Variants in MCC observed in about 807,000 individuals in gnomAD.
The protein encoded by MCC is colorectal mutant cancer protein.
In MCC, 90 loss-of-function variants were observed where a neutral mutation model predicts 116.2. The observed-to-expected ratio is 0.77, with a 90% CI of 0.65 to 0.92. The LOEUF is 0.92. Ranked by LOEUF, MCC falls within the 40% of genes least tolerant of loss-of-function variation. The pLI, the probability that MCC is intolerant of heterozygous loss-of-function variation, is 0.00. For synonymous variants in MCC, 578 were observed against 510.5 expected (o/e 1.13, Z -1.78); for missense variants, 1,516 against 1,312.2 (o/e 1.16, Z -2.40).
chr5:113,470,307 C>T (rs1266271244), intron 1 of MCC, among the ~76,000 whole-genome samples: 2 of 152,160 alleles, frequency 1.3e-5, no homozygotes, highest in Non-Finnish European at 2.9e-5. Context: ...CATGTTTTTG[C>T]AGTGGCTGGT....
intron 1 of MCC, among the ~76,000 whole-genome samples, chr5:113,459,178 T>TGTGTGG (rs1561583860): frequency 9.8e-6 from 1 of 101,578 alleles, no homozygotes; most frequent in Admixed American, 1.1e-4. Flanking sequence ...TGTGTGTGTG[T>TGTGTGG]GAAGTGGGTG....
intron 3 of MCC, among the ~76,000 whole-genome samples, chr5:113,316,776 T>C (rs1767297083): frequency 2.0e-5 from 3 of 152,182 alleles, no homozygotes; most frequent in Non-Finnish European, 4.4e-5. Flanking sequence ...CCAGGAGACA[T>C]GCAAATCTGT....
At chr5:113,152,632 G>GC (rs1462619870) in intron 3 of MCC, among the ~76,000 whole-genome samples, 6 of 152,126 alleles carry the variant, frequency 3.9e-5, no homozygotes. Context: ...TCTGCAACCT[G>GC]CCCTCCACAC....
At chr5:113,333,838 T>TATGTACATATATACATATATAC (rs1767777920) in intron 3 of MCC, among the ~76,000 whole-genome samples, 2 of 28,828 alleles carry the variant, frequency 6.9e-5, no homozygotes, top group Non-Finnish European at 1.1e-4. Flanking sequence ...TATATATGTA[T>TATGTACATATATACATATATAC]ATATGTATAT....
chr5:113,220,976 G>T (rs903653623), intron 3 of MCC, among the ~76,000 whole-genome samples: 1 of 152,224 alleles, frequency 6.6e-6, no homozygotes, highest in East Asian at 1.9e-4. Context: ...AGCAAGGCGT[G>T]TGGATTGCTT....
chr5:113,337,739 AACTT>A (rs1767902522), intron 3 of MCC, among the ~76,000 whole-genome samples: 1 of 152,188 alleles, frequency 6.6e-6, no homozygotes, highest in Admixed American at 6.5e-5. Context: ...AAAATAATAA[AACTT>A]AATTTTATTA....
chr5:113,398,609 A>G (rs774449347), intron 1 of MCC, among the ~76,000 whole-genome samples: 3 of 152,240 alleles, frequency 2.0e-5, no homozygotes, highest in Non-Finnish European at 4.4e-5. Flanking sequence ...GTTCTCACTT[A>G]TAAGTAGGAG....
At chr5:113,059,872 A>G (rs1431620198) in intron 14 of MCC, among the ~76,000 whole-genome samples, 2 of 152,158 alleles carry the variant, frequency 1.3e-5, no homozygotes, top group Non-Finnish European at 2.9e-5. Context: ...CCTGTCCACT[A>G]TAGGAGAAGC....
At chr5:113,183,406 T>G (rs79406628) in intron 3 of MCC, among the ~76,000 whole-genome samples, 1 of 152,180 alleles carries the variant, frequency 6.6e-6, no homozygotes, top group Non-Finnish European at 1.5e-5. Context: ...AGAGAAAATT[T>G]GTCAGACTCC....
At chr5:113,224,220 G>A (rs771956635) in intron 3 of MCC, among the ~76,000 whole-genome samples, 13 of 152,030 alleles carry the variant, frequency 8.6e-5, no homozygotes, top group South Asian at 6.2e-4. Context: ...TCAGCCTTCC[G>A]AGTAGTTGGG....
chr5:113,063,877 T>C, intron 14 of MCC, 107 bp downstream of exon 14: 2 of 1,266,434 alleles, frequency 1.6e-6, no homozygotes, highest in South Asian at 1.6e-5. Context: ...ATGTCTGCCT[T>C]TTCCCAAGCC....
chr5:113,453,641 A>T (rs1580395924), intron 1 of MCC, among the ~76,000 whole-genome samples: 1 of 152,318 alleles, frequency 6.6e-6, no homozygotes, highest in Middle Eastern at 3.4e-3. Context: ...CCAGCTGTTT[A>T]TGTGTCTCCC....
In MCC at chr5:113,266,509, T is replaced by A. The variant is rs998564711; in HGVS notation, c.627+74010A>T. 1.6e-4 allele frequency among the ~76,000 whole-genome samples: 25 copies of A among 152,302 alleles called. 3 individuals carry two copies. Among genetic ancestry groups the A allele is most frequent in the Admixed American group, 5.9e-4 (9 of 15,292 alleles). ...TATTTGTATTTATCTGGGAGAGGGA[T>A]GGGCAGAAGATGGGATAGCACTACT... is the stretch of plus-strand genomic sequence containing the variant. On this transcript the variant is annotated intron_variant, in intron 3 of 18. Transcript: ENST00000408903.
At chr5:113,337,414 T>C (rs1767896252) in intron 3 of MCC, among the ~76,000 whole-genome samples, 1 of 152,162 alleles carries the variant, frequency 6.6e-6, no homozygotes, top group Non-Finnish European at 1.5e-5. Context: ...CTCAGGGAAA[T>C]TCTCTGCAAT....
chr5:113,380,854 G>T (rs1253548796), intron 2 of MCC, among the ~76,000 whole-genome samples: 1 of 152,196 alleles, frequency 6.6e-6, no homozygotes, highest in East Asian at 1.9e-4. Flanking sequence ...GGAAAAGCAG[G>T]AAGGCCAGTG....
intron 1 of MCC, among the ~76,000 whole-genome samples, chr5:113,420,621 C>T (rs1485193250): frequency 6.6e-6 from 1 of 152,154 alleles, no homozygotes; most frequent in Non-Finnish European, 1.5e-5. Flanking sequence ...AGAGGTGGAC[C>T]TTCCACTGCA....
chr5:113,054,092 T>C, intron 14 of MCC, 133 bp from the exon 15 acceptor site: 3 of 645,290 alleles, frequency 4.6e-6, no homozygotes, highest in Non-Finnish European at 8.1e-6. Flanking sequence ...AAATCAGTTT[T>C]CTTCACAGCA....
chr5:113,269,137 G>C, intron 3 of MCC: 2 of 983,184 alleles, frequency 2.0e-6, no homozygotes, highest in Non-Finnish European at 2.4e-6. Flanking sequence ...TTGCAACCTG[G>C]AGGGAGACAA....
intron 3 of MCC, among the ~76,000 whole-genome samples, chr5:113,312,148 A>C (rs1767150113): frequency 6.6e-6 from 1 of 151,816 alleles, no homozygotes; most frequent in Non-Finnish European, 1.5e-5. Flanking sequence ...GTGGTAGCAT[A>C]CACCTGTGGT....
Sources: allele counts gnomAD v4.1 joint callset (sites outside exome capture counted in the v4.1 genomes callset), GRCh38; gene constraint gnomAD v4.1.1; transcripts MANE v1.5; gene names NCBI Gene and HGNC (gene_info 2026-07-23, HGNC 2026-07-21).